Variants in CMYA5 observed in about 807,000 individuals in gnomAD.
CMYA5 encodes cardiomyopathy associated 5, also known as cardiomyopathy-associated protein 5.
In CMYA5, 246 loss-of-function variants were observed where a neutral mutation model predicts 318.9. That is an observed-to-expected ratio of 0.77 (90% CI 0.70 to 0.86). The LOEUF is 0.86. CMYA5 is among the 40% of genes least tolerant of loss of function. The pLI is 0.00. For missense variants in CMYA5, 4,589 were observed against 4,678.2 expected, an observed-to-expected ratio of 0.98 and a Z score of 0.56; for synonymous variants, 1,641 against 1,729.5, an observed-to-expected ratio of 0.95 and a Z score of 1.27.
intron 1 of CMYA5, among the ~76,000 whole-genome samples, chr5:79,715,173 A>G (rs1827490229): frequency 6.6e-6 from 1 of 152,196 alleles, no homozygotes; most frequent in Non-Finnish European, 1.5e-5. Context: ...TGGGTGTTAA[A>G]TATTTGTTGA....
At chr5:79,722,676 CAAAAAAA>C (rs1264491231) in intron 1 of CMYA5, among the ~76,000 whole-genome samples, 1 of 73,576 alleles carries the variant, frequency 1.4e-5, no homozygotes, top group South Asian at 5.4e-4. Flanking sequence ...GACTCTGTCT[CAAAAAAA>C]AAAAAAAAAA....
At chr5:79,715,531 C>T (rs1827499267) in intron 1 of CMYA5, among the ~76,000 whole-genome samples, 1 of 152,098 alleles carries the variant, frequency 6.6e-6, no homozygotes, top group Admixed American at 6.5e-5. Context: ...TCGTCATCCA[C>T]CCGCCTCGGC....
chr5:79,693,513 T>C (rs1827011180), intron 1 of CMYA5, among the ~76,000 whole-genome samples: 1 of 152,028 alleles, frequency 6.6e-6, no homozygotes. Flanking sequence ...GCTACTTTTT[T>C]GTATTTTTAT....
Position 79,735,390 on chromosome 5 carries a change from T to C in CMYA5, c.6625T>C (p.Ser2209Pro), listed in dbSNP as rs372329540. The change falls in exon 2 of 13, where the codon TCC becomes CCC. Residue 2209 changes from serine (S) to proline (P), a missense_variant. By Grantham distance (74) the Ser-to-Pro change is moderately conservative. Transcript: ENST00000446378. ...AGACTTAGAAACACAGCCAAGTCCA[T>C]CCGTAGAAAAAGCAGTGACTGTGAT... ...QEDLETQPSPSVEKAVTVIDP... is the reference protein window; with the variant it reads ...QEDLETQPSPPVEKAVTVIDP... The C allele has an allele frequency of 6.2e-6, 10 of 1,613,670 alleles. No individual in the cohort carries two copies. The highest frequency in any genetic ancestry group is 1.3e-5 in the African/African-American group (1 of 74,894).
intron 1 of CMYA5, among the ~76,000 whole-genome samples, chr5:79,692,890 G>GTTTAT (rs1826996123): frequency 6.6e-6 from 1 of 152,146 alleles, no homozygotes; most frequent in Non-Finnish European, 1.5e-5. Flanking sequence ...CATTCATGGA[G>GTTTAT]TGCCTACTAT....
In CMYA5 at chr5:79,778,811, C is replaced by CTGTGTGTGTGTGTGTGTGTATG. The variant is rs1554037556; in HGVS notation, c.11556-10141_11556-10140insATGTGTGTGTGTGTGTGTGTGT. On this transcript the variant is annotated intron_variant, in intron 9 of 12. Coordinates refer to ENST00000446378, the MANE Select transcript of CMYA5 (RefSeq NM_153610.5). ...ATGCCGCCTGCCCCCCTCTCTCTTT[C>CTGTGTGTGTGTGTGTGTGTATG]TGTGTGTGTGTGTGTGTGTGTGTGT... is the stretch of plus-strand genomic sequence containing the variant. Among the ~76,000 whole-genome samples, 93 of 84,938 alleles carry CTGTGTGTGTGTGTGTGTGTATG rather than the reference C, an allele frequency of 1.1e-3. 2 individuals carry two copies. Among genetic ancestry groups the CTGTGTGTGTGTGTGTGTGTATG allele is most frequent in the East Asian group, 1.6e-3 (2 of 1,224 alleles). 55.7% of individuals were successfully genotyped at this position (84,938 alleles called of 152,430 possible). A position where few individuals can be genotyped will look rare whatever the true frequency, so the allele number is the denominator to read the frequency against.
chr5:79,736,136 A>G lies in CMYA5; in HGVS notation c.7371A>G (p.Lys2457=), dbSNP rs1580773915. The G allele has an allele frequency of 1.2e-6, 2 of 1,613,776 alleles. No individual in the cohort carries two copies. Among genetic ancestry groups the G allele is most frequent in the Non-Finnish European group, 8.5e-7 (1 of 1,179,778 alleles). ...GGTCTGTTAGTCCAACTGAGAAGAAAGATAATTTGGAAAACAGATCATATA... is the reference window on the plus strand; with the variant it reads ...GGTCTGTTAGTCCAACTGAGAAGAAGGATAATTTGGAAAACAGATCATATA... ...KLRSVSPTEK[K]DNLENRSYTL... is the part of the protein sequence containing the mutation. Residue 2457 remains lysine (K), a synonymous_variant, in exon 2 of 13, where the codon AAA becomes AAG. Coordinates refer to ENST00000446378, the MANE Select transcript of CMYA5 (RefSeq NM_153610.5).
At position 79,729,806 on chromosome 5, in the gene CMYA5, T is replaced by A. The variant is rs747249359; in HGVS notation, c.1041T>A (p.Ser347Arg). 1 of 1,613,626 alleles carries A rather than the reference T, an allele frequency of 6.2e-7. No homozygotes were observed. The highest frequency in any genetic ancestry group is 1.1e-5 in the South Asian group (1 of 91,040). ...AGCACACAGTTCCCTCTTATTCAAGTAGTGGCAGAGCAGAACAAGGAATAC... is the reference window on the plus strand; with the variant it reads ...AGCACACAGTTCCCTCTTATTCAAGAAGTGGCAGAGCAGAACAAGGAATAC... Reference protein sequence around the residue: ...ALEHTVPSYSSSGRAEQGIQL... With the variant: ...ALEHTVPSYSRSGRAEQGIQL... Residue 347 changes from serine to arginine, a missense_variant, in exon 2 of 13, where the codon AGT becomes AGA. This residue lies in a region of CMYA5 where 2,132 missense variants were observed against 2,131.3 expected (regional missense o/e 1.00). Coordinates refer to ENST00000446378, the MANE Select transcript of CMYA5 (RefSeq NM_153610.5).
In CMYA5 at chr5:79,729,591, AGTG is replaced by A; in HGVS notation, c.829_831del (p.Gly277del). On this transcript the variant is annotated inframe_deletion, in exon 2 of 13. Transcript: ENST00000446378. ...TAGTCTAGAGCCAGATTTGGACAATAGTGGTTCTAATACAGTGTCCAAAACACG... is the reference window on the plus strand; with the variant it reads ...TAGTCTAGAGCCAGATTTGGACAATAGTTCTAATACAGTGTCCAAAACACG... 1.9e-6 allele frequency: 3 copies of A among 1,613,144 alleles called. No homozygotes were observed. Among genetic ancestry groups the A allele is most frequent in the Non-Finnish European group, 2.5e-6 (3 of 1,179,082 alleles).
intron 12 of CMYA5, among the ~76,000 whole-genome samples, chr5:79,795,345 T>C (rs1829257091): frequency 6.6e-6 from 1 of 152,168 alleles, no homozygotes; most frequent in African/African-American, 2.4e-5. Flanking sequence ...GGTTTAATGA[T>C]TTTAAATCAA....
chr5:79,797,809 A>G (rs1829300098), intron 12 of CMYA5, among the ~76,000 whole-genome samples: 1 of 152,154 alleles, frequency 6.6e-6, no homozygotes, highest in Non-Finnish European at 1.5e-5. Flanking sequence ...GCCAATGGTG[A>G]TGTTCTCTGC....
At chr5:79,776,200 C>A (rs1828936149) in intron 9 of CMYA5, among the ~76,000 whole-genome samples, 1 of 152,126 alleles carries the variant, frequency 6.6e-6, no homozygotes, top group African/African-American at 2.4e-5. Flanking sequence ...CCTGGCCATT[C>A]AGCCCCCATG....
rs1194008908 is a variant in CMYA5, at chr5:79,734,980, C to G, written c.6215C>G (p.Ala2072Gly). 6.2e-7 allele frequency: 1 copy of G among 1,613,684 alleles called. No homozygotes were observed. Among genetic ancestry groups the G allele is most frequent in the Admixed American group, 1.7e-5 (1 of 59,968 alleles). Residue 2072 changes from alanine to glycine, a missense_variant, in exon 2 of 13, where the codon GCC (alanine) becomes GGC (glycine). Around this residue, in one of 3 missense-constraint regions of CMYA5, gnomAD observed 2,431 missense variants for 2,495.1 expected, o/e 0.97. Transcript: ENST00000446378. ...ACAATCTCCTCTTCTGTCAAAACAGCCCATTTCCCGGCAGAAGGTGTGGAA... is the reference window on the plus strand; with the variant it reads ...ACAATCTCCTCTTCTGTCAAAACAGGCCATTTCCCGGCAGAAGGTGTGGAA... ...SETISSSVKT[A>G]HFPAEGVEPA...
rs750582547 is a variant in CMYA5 at position 79,730,088 on chromosome 5, A to G, written c.1323A>G (p.Pro441=). 5 of 1,613,818 alleles carry G rather than the reference A, an allele frequency of 3.1e-6. No homozygotes were observed. The highest frequency in any genetic ancestry group is 1.3e-5 in the African/African-American group (1 of 75,054). ...CCATTTCTCTGGAGGCAGCGTCACC[A>G]GGTCTGGCAGCATCTACCCAGGATG... The part of the protein sequence containing the change: ...HHSISLEAAS[P]GLAASTQDGL... Residue 441 remains proline, a synonymous_variant, in exon 2 of 13, where the codon CCA becomes CCG. Transcript: ENST00000446378.
chr5:79,745,408 A>C lies in CMYA5; in HGVS notation c.10921A>C (p.Thr3641Pro). ...SMDTAKDTLE[T>P]IVREAEELDE... ...GGACACTGCCAAAGACACCCTGGAG[A>C]CCATCGTGAGAGAAGCAGAGGAGCT... is the stretch of plus-strand genomic sequence containing the variant. Residue 3641 changes from threonine to proline, a missense_variant, in exon 4 of 13, where the codon ACC becomes CCC. This residue lies in a region of CMYA5 where 2,431 missense variants were observed against 2,495.1 expected (regional missense o/e 0.97). Coordinates refer to ENST00000446378, the MANE Select transcript of CMYA5 (RefSeq NM_153610.5). The C allele has an allele frequency of 3.1e-6, 5 of 1,613,960 alleles. No individual in the cohort carries two copies. Among genetic ancestry groups the C allele is most frequent in the Non-Finnish European group, 4.2e-6 (5 of 1,179,854 alleles).
Position 79,732,493 on chromosome 5 carries a change from T to C in CMYA5, c.3728T>C (p.Leu1243Ser), listed in dbSNP as rs373130863. The C allele has an allele frequency of 4.3e-6, 7 of 1,613,150 alleles. No homozygotes were observed. The African/African-American group carries it at 8.0e-5, about 18-fold the overall frequency. The change falls in exon 2 of 13, where the codon TTG (leucine) becomes TCG (serine). Residue 1243 changes from leucine to serine, a missense_variant. Around this residue, in one of 3 missense-constraint regions of CMYA5, gnomAD observed 2,132 missense variants for 2,131.3 expected, o/e 1.00. Transcript: ENST00000446378. ...VPESEMKYSV[L>S]PDMVDEPKKG... The stretch of plus-strand genomic sequence containing the variant: ...GAGTCTGAGATGAAATATTCAGTTT[T>C]GCCTGACATGGTAGATGAGCCAAAG...
intron 3 of CMYA5, among the ~76,000 whole-genome samples, chr5:79,744,143 A>C (rs1377994887): frequency 6.6e-6 from 1 of 152,232 alleles, no homozygotes; most frequent in African/African-American, 2.4e-5. Context: ...CGGTAACGAC[A>C]GACATGCATT....
chr5:79,739,634 A>C (rs1828170907), intron 2 of CMYA5, among the ~76,000 whole-genome samples: 1 of 151,952 alleles, frequency 6.6e-6, no homozygotes, highest in Admixed American at 6.6e-5. Context: ...GCTTAGAATC[A>C]ACCAACCGCA....
In CMYA5 at chr5:79,736,130, G is replaced by A; in HGVS notation, c.7365G>A (p.Glu2455=). The A allele has an allele frequency of 6.2e-7, 1 of 1,613,706 alleles. No individual in the cohort carries two copies. Among genetic ancestry groups the A allele is most frequent in the Non-Finnish European group, 8.5e-7 (1 of 1,179,776 alleles). Residue 2455 remains glutamate, a synonymous_variant, in exon 2 of 13, where the codon GAG becomes GAA. Transcript: ENST00000446378. Reference sequence around the variant, plus strand: ...AACTCAGGTCTGTTAGTCCAACTGAGAAGAAAGATAATTTGGAAAACAGAT... The same window carrying A: ...AACTCAGGTCTGTTAGTCCAACTGAAAAGAAAGATAATTTGGAAAACAGAT... ...ETKLRSVSPT[E]KKDNLENRSY...
Sources: gnomAD v4.1 joint callset for allele counts (sites outside exome capture counted in the v4.1 genomes callset) on GRCh38, gnomAD v4.1.1 for gene constraint, gnomAD v4.1.1 regional missense constraint, MANE v1.5 for transcripts, NCBI Gene and HGNC (gene_info 2026-07-23, HGNC 2026-07-21) for gene names.